Variants in GAS6 observed in about 807,000 individuals in gnomAD.
The protein encoded by GAS6 is growth arrest specific 6.
GAS6 carries 41 observed loss-of-function variants against 75.8 expected under a neutral mutation model. The ratio of observed to expected loss-of-function variants is 0.54; its 90% CI spans 0.42 to 0.70. GAS6 has a LOEUF of 0.70. Ranked by LOEUF, GAS6 falls within the 30% of genes least tolerant of loss-of-function variation. The pLI is 0.00. For synonymous variants in GAS6, 432 were observed against 412.6 expected (o/e 1.05, Z -0.57); for missense variants, 854 against 940.2 (o/e 0.91, Z 1.20).
chr13:113,820,948 C>G lies in GAS6; in HGVS notation c.1953G>C (p.Arg651Ser), dbSNP rs2051447304. The change falls in exon 15 of 15, where the codon AGG (arginine) becomes AGC (serine). Residue 651 changes from arginine to serine, a missense_variant. Arg to Ser is a moderately radical substitution (Grantham distance 110, BLOSUM62 -1). Transcript: ENST00000327773. ...RGCMTLEVNR[R>S]LLDLDEAAYK... ...ACGCCGCCTCGTCCAGGTCCAGCAG[C>G]CTCCGGTTGACCTCCAGTGTCATGC... is the stretch of plus-strand genomic sequence containing the variant. 6.2e-7 allele frequency: 1 copy of G among 1,612,570 alleles called. No homozygotes were observed. The highest frequency in any genetic ancestry group is 8.5e-7 in the Non-Finnish European group (1 of 1,179,912).
chr13:113,834,685 G>A lies in GAS6; in HGVS notation c.713-13C>T. The A allele has an allele frequency of 2.6e-6, 4 of 1,534,662 alleles. No homozygotes were observed. The East Asian group carries it at 9.4e-5, about 36-fold the overall frequency. On this transcript the variant is annotated splice_polypyrimidine_tract_variant and intron_variant, in intron 7 of 14. Transcript: ENST00000327773. The stretch of plus-strand genomic sequence containing the variant: ...CACTCGTCCACATCTGCCAGCCAGA[G>A]GGAAGCGGCGGTGAGCCGGGGAGGC...
At position 113,863,395 on chromosome 13, in the gene GAS6, G is replaced by T. The variant is rs2051988672; in HGVS notation, c.255+180C>A. Among the ~76,000 whole-genome samples the T allele has an allele frequency of 6.6e-6, 1 of 152,172 alleles. No individual in the cohort carries two copies. Among genetic ancestry groups the T allele is most frequent in the African/African-American group, 2.4e-5 (1 of 41,458 alleles). On this transcript the variant is annotated intron_variant, in intron 2 of 14. Coordinates refer to ENST00000327773, the MANE Select transcript of GAS6 (RefSeq NM_000820.4). This position sits in a 1 kb window ranked among gnomAD's most constrained non-coding sequence, Gnocchi z 9.4. Reference sequence around the variant, plus strand: ...CGCAGCGTCTCACCGGCCTGCGCGGGGATCCCGGGGTCGCCGGGGGATGGG... The same window carrying T: ...CGCAGCGTCTCACCGGCCTGCGCGGTGATCCCGGGGTCGCCGGGGGATGGG...
chr13:113,863,878 CGCGGCGCAGG>C lies in GAS6; in HGVS notation c.33_42del (p.Leu12ArgfsTer79). On this transcript the variant is annotated frameshift_variant, in exon 1 of 15. Coordinates refer to ENST00000327773, the MANE Select transcript of GAS6 (RefSeq NM_000820.4). LOFTEE classifies it high-confidence loss of function. This position sits in a 1 kb window ranked among gnomAD's most constrained non-coding sequence, Gnocchi z 9.4. ...AGCAGCAGCAGCAGCAGCTGCGGCG[CGCGGCGCAGG>C]GCGGCGGGCCCGGGCGAGAGCGAAG... 1 of 1,227,008 alleles carries C rather than the reference CGCGGCGCAGG, an allele frequency of 8.1e-7. No homozygotes were observed. Among genetic ancestry groups the C allele is most frequent in the Non-Finnish European group, 1.0e-6 (1 of 987,100 alleles). The allele number at this position is 1,227,008 out of a possible 1,614,324, so 76.0% of individuals were successfully genotyped here.
intron 12 of GAS6, among the ~76,000 whole-genome samples, chr13:113,826,330 G>A (rs1413867838): frequency 6.6e-6 from 1 of 152,212 alleles, no homozygotes; most frequent in Non-Finnish European, 1.5e-5. Flanking sequence ...GAGTCCTAAG[G>A]CTGTGCTGTC....
At chr13:113,827,426 G>A (rs371373068) in intron 11 of GAS6, among the ~76,000 whole-genome samples, 1 of 152,242 alleles carries the variant, frequency 6.6e-6, no homozygotes, top group Admixed American at 6.5e-5. Context: ...AAGGCCATGT[G>A]GGTCTAAGGT....
At chr13:113,824,474 G>A (rs557043694) in intron 12 of GAS6, among the ~76,000 whole-genome samples, 20 of 152,226 alleles carry the variant, frequency 1.3e-4, no homozygotes, top group South Asian at 6.2e-4. Context: ...AGAATGCCAC[G>A]GCATATCCTC....
chr13:113,858,565 G>T (rs2051934440), intron 2 of GAS6, among the ~76,000 whole-genome samples: 1 of 151,154 alleles, frequency 6.6e-6, no homozygotes, highest in South Asian at 2.1e-4. Context: ...ATGTGCCTTT[G>T]TGTGTGCATG....
chr13:113,851,837 T>C (rs528775882), intron 2 of GAS6, among the ~76,000 whole-genome samples: 5 of 152,394 alleles, frequency 3.3e-5, no homozygotes, highest in African/African-American at 1.2e-4. Flanking sequence ...GAAGTGTTTG[T>C]GCTGTAATTC....
chr13:113,852,738 A>G (rs76770716), intron 2 of GAS6, among the ~76,000 whole-genome samples: 4,746 of 152,294 alleles, frequency 0.031, 259 homozygotes, highest in African/African-American at 0.11. Flanking sequence ...AAGGTCAAGC[A>G]TGGCAGGGAG....
At chr13:113,833,927 ACCAGTGTGACAGGCC>A (rs2051663962) in intron 8 of GAS6, among the ~76,000 whole-genome samples, 1 of 145,772 alleles carries the variant, frequency 6.9e-6, no homozygotes. Flanking sequence ...TGTGACAGGC[ACCAGTGTGACAGGCC>A]CCGGTGTGAC....
intron 2 of GAS6, among the ~76,000 whole-genome samples, chr13:113,862,190 C>A (rs1324314825): frequency 6.6e-6 from 1 of 152,200 alleles, no homozygotes; most frequent in South Asian, 2.1e-4. Context: ...TGACATGGGC[C>A]CTGCAGGTCC....
intron 11 of GAS6, 50 bp downstream of exon 11, chr13:113,828,497 C>T (rs370709430): frequency 4.7e-5 from 74 of 1,569,908 alleles, no homozygotes; most frequent in South Asian, 3.4e-4. Context: ...ACACCGTTCC[C>T]GGGATCCCAG....
chr13:113,835,664 C>T, intron 6 of GAS6, 29 bp from the exon 7 acceptor site: 1 of 1,607,694 alleles, frequency 6.2e-7, no homozygotes, highest in Non-Finnish European at 8.5e-7. Flanking sequence ...CGGCCAACCG[C>T]AGCACAGCGG....
intron 6 of GAS6, among the ~76,000 whole-genome samples, chr13:113,836,847 T>G (rs1448849445): frequency 7.0e-4 from 13 of 18,692 alleles, no homozygotes; most frequent in Non-Finnish European, 1.0e-3. Flanking sequence ...GGAGGGGGAG[T>G]GGGGGGGAGG....
chr13:113,824,457 C>A (rs2051508810), intron 12 of GAS6, among the ~76,000 whole-genome samples: 1 of 151,752 alleles, frequency 6.6e-6, no homozygotes, highest in Non-Finnish European at 1.5e-5. Context: ...TGTGTGGTCT[C>A]CCAGGGAGAA....
At chr13:113,855,356 GGCCT>G (rs2051906172) in intron 2 of GAS6, among the ~76,000 whole-genome samples, 1 of 152,182 alleles carries the variant, frequency 6.6e-6, no homozygotes, top group African/African-American at 2.4e-5. Context: ...ATAAGCTACC[GGCCT>G]CTGTTCACAG....
Position 113,864,004 on chromosome 13 carries a change from G to T in GAS6, c.-84C>A. 9.8e-7 allele frequency: 1 copy of T among 1,020,062 alleles called. No individual in the cohort carries two copies. Among genetic ancestry groups the T allele is most frequent in the Non-Finnish European group, 1.2e-6 (1 of 855,770 alleles). 63.2% of individuals were successfully genotyped at this position (1,020,062 alleles called of 1,614,324 possible). On this transcript the variant is annotated 5_prime_UTR_variant, in exon 1 of 15. Coordinates refer to ENST00000327773, the MANE Select transcript of GAS6 (RefSeq NM_000820.4). The stretch of plus-strand genomic sequence containing the variant: ...GCGGGGCGGAGGCTCCGGTCATCCC[G>T]TCCTGGCGGCCCTGAAGGTCACATC...
intron 7 of GAS6, among the ~76,000 whole-genome samples, chr13:113,835,077 CCT>C (rs1308799133): frequency 2.6e-5 from 4 of 152,328 alleles, no homozygotes; most frequent in Non-Finnish European, 5.9e-5. Context: ...GCTTCCCCAC[CCT>C]CTCTGTCTGC....
intron 5 of GAS6, 162 bp downstream of exon 5, chr13:113,839,566 C>T (rs2051753657): frequency 2.3e-6 from 2 of 866,364 alleles, no homozygotes; most frequent in East Asian, 2.7e-5. Context: ...CAGCTCCTCC[C>T]AATTCTCCTG....
Sources: allele counts gnomAD v4.1 joint callset (sites outside exome capture counted in the v4.1 genomes callset), GRCh38; gene constraint gnomAD v4.1.1; non-coding constraint Gnocchi (gnomAD v3.1); transcripts MANE v1.5; gene names NCBI Gene and HGNC (gene_info 2026-07-23, HGNC 2026-07-21).